The following SYTL4 variants were observed in gnomAD, a reference collection of about 807,000 sequenced individuals.
The protein encoded by SYTL4 is synaptotagmin like 4.
A neutral mutation model predicts 52.7 loss-of-function variants in SYTL4; 16 were observed. The ratio of observed to expected loss-of-function variants is 0.30; its 90% CI spans 0.21 to 0.46. SYTL4 has a LOEUF of 0.46. SYTL4 is among the 20% of genes least tolerant of loss of function. The pLI is 1.00. For missense variants in SYTL4, 423 were observed against 519.9 expected, an observed-to-expected ratio of 0.81 and a Z score of 1.81; for synonymous variants, 160 against 186.6, an observed-to-expected ratio of 0.86 and a Z score of 1.16.
chrX:100,694,595 C>T (rs1463265965), intron 8 of SYTL4, among the ~76,000 whole-genome samples: 1 of 111,653 alleles, frequency 9.0e-6, no homozygotes, highest in Non-Finnish European at 1.9e-5. Flanking sequence ...ATTTTCTCCA[C>T]AGCACCTGTC....
chrX:100,699,773 C>A (rs777824436), intron 8 of SYTL4, among the ~76,000 whole-genome samples: 5 of 107,457 alleles, frequency 4.7e-5, no homozygotes, highest in South Asian at 4.3e-4. Context: ...GGATTACAGG[C>A]GTGAGCCACT....
At chrX:100,685,661 T>A in intron 16 of SYTL4, 1 of 166,075 alleles carries the variant, frequency 6.0e-6, no homozygotes, top group South Asian at 2.4e-4. Context: ...CAGATTAGGA[T>A]ATACACAGAA....
chrX:100,702,757 AG>A (rs1351874861), intron 4 of SYTL4, among the ~76,000 whole-genome samples: 1 of 112,609 alleles, frequency 8.9e-6, no homozygotes, highest in Non-Finnish European at 1.9e-5. Flanking sequence ...AGTAAGGCAC[AG>A]TTCCTACCCT....
rs191077141 is a variant in SYTL4 at position 100,723,258 on chromosome X, C to T, written c.-240+8160G>A. 2.9e-4 allele frequency among the ~76,000 whole-genome samples: 32 copies of T among 111,418 alleles called. No individual in the cohort carries two copies. The East Asian group carries it at 4.6e-3, about 16-fold the overall frequency. ...CCTCAGCCTGCCGAGTGCCTGCGAT[C>T]GCAGGCGCGCGCCGCCACGCCTGAC... On this transcript the variant is annotated intron_variant, in intron 2 of 19. Coordinates refer to ENST00000372989, the MANE Select transcript of SYTL4 (RefSeq NM_001370165.1).
At chrX:100,696,389 T>A (rs1195484345) in intron 8 of SYTL4, among the ~76,000 whole-genome samples, 1 of 112,238 alleles carries the variant, frequency 8.9e-6, no homozygotes, top group Non-Finnish European at 1.9e-5. Context: ...TTGTTTTACA[T>A]CCTCACCAAC....
chrX:100,707,434 T>C (rs1371900841), intron 2 of SYTL4, among the ~76,000 whole-genome samples: 1 of 111,594 alleles, frequency 9.0e-6, no homozygotes, highest in Admixed American at 9.5e-5. Context: ...ACCTGCCTCC[T>C]ACCTCACTAC....
chrX:100,713,629 A>AT (rs2084124958), intron 2 of SYTL4, among the ~76,000 whole-genome samples: 1 of 109,416 alleles, frequency 9.1e-6, no homozygotes, highest in Non-Finnish European at 1.9e-5. Context: ...AGGGGGAAAA[A>AT]AAAAAGCATA....
chrX:100,717,443 C>T (rs1445196695), intron 2 of SYTL4, among the ~76,000 whole-genome samples: 1 of 112,717 alleles, frequency 8.9e-6, no homozygotes, highest in Non-Finnish European at 1.9e-5. Flanking sequence ...AGGCAAAGTG[C>T]GTAGCACTTA....
At chrX:100,698,767 T>C (rs1020125960) in intron 8 of SYTL4, among the ~76,000 whole-genome samples, 1 of 111,623 alleles carries the variant, frequency 9.0e-6, no homozygotes. Context: ...AAATCAGAAA[T>C]AGAGAAGTTG....
intron 8 of SYTL4, among the ~76,000 whole-genome samples, chrX:100,691,833 C>A (rs763368913): frequency 9.0e-6 from 1 of 111,443 alleles, no homozygotes; most frequent in South Asian, 3.8e-4. Flanking sequence ...CCACCACACC[C>A]GGCCCTCAGT....
At chrX:100,712,310 A>G (rs768807277) in intron 2 of SYTL4, among the ~76,000 whole-genome samples, 14 of 112,405 alleles carry the variant, frequency 1.2e-4, no homozygotes, top group Admixed American at 4.7e-4. Context: ...ATAACGATAT[A>G]TTGTGAGGTT....
chrX:100,681,083 T>A, intron 17 of SYTL4, 144 bp downstream of exon 17: 1 of 484,088 alleles, frequency 2.1e-6, no homozygotes, highest in East Asian at 3.8e-5. Context: ...CAGAGAGGCT[T>A]CCTTAGTAAA....
intron 19 of SYTL4, 111 bp from the exon 20 acceptor site, chrX:100,676,287 G>A: frequency 1.2e-6 from 1 of 817,922 alleles, no homozygotes; most frequent in South Asian, 2.5e-5. Flanking sequence ...TACGAAGATG[G>A]GCTAATGGCC....
intron 2 of SYTL4, among the ~76,000 whole-genome samples, chrX:100,708,199 C>G (rs2083998762): frequency 9.2e-6 from 1 of 109,148 alleles, no homozygotes; most frequent in African/African-American, 3.4e-5. Context: ...ATTCTGGTAT[C>G]CCAGAACTTA....
intron 7 of SYTL4, 66 bp from the exon 8 acceptor site, chrX:100,701,065 A>G (rs745903060): frequency 2.1e-6 from 2 of 963,741 alleles, no homozygotes; most frequent in Admixed American, 2.2e-5. Flanking sequence ...AACAACCCTC[A>G]TAGCAAATCC....
intron 12 of SYTL4, 27 bp downstream of exon 12, chrX:100,689,829 G>C: frequency 1.9e-6 from 2 of 1,056,888 alleles, no homozygotes; most frequent in Non-Finnish European, 2.6e-6. Context: ...TTCATATAGT[G>C]ACCAAGTAAA....
chrX:100,690,488 C>G, intron 10 of SYTL4, 75 bp downstream of exon 10: 1 of 792,802 alleles, frequency 1.3e-6, no homozygotes, highest in Non-Finnish European at 1.8e-6. Context: ...GAGGGAAAGA[C>G]GGAGGGAGAC....
chrX:100,730,534 A>G, intron 2 of SYTL4, among the ~76,000 whole-genome samples: 1 of 111,310 alleles, frequency 9.0e-6, no homozygotes, highest in Non-Finnish European at 1.9e-5. Context: ...TACTGTATAG[A>G]GTTATTGTGA....
rs190102282 is a variant in SYTL4, at chrX:100,686,075, T to C, written c.1364A>G (p.Asn455Ser). ...SVWHHGRFGR[N>S]TFLGEAEIQM... ...GATCTCTGCCTCTCCAAGGAAAGTGTTTCTGCCAAAACGACCATGATGCCA... is the reference window on the plus strand; with the variant it reads ...GATCTCTGCCTCTCCAAGGAAAGTGCTTCTGCCAAAACGACCATGATGCCA... Residue 455 changes from asparagine (N) to serine (S), a missense_variant, in exon 16 of 20, where the codon AAC (asparagine) becomes AGC (serine). Physicochemically the swap from Asn to Ser is conservative, Grantham distance 46. Coordinates refer to ENST00000372989, the MANE Select transcript of SYTL4 (RefSeq NM_001370165.1). 7.4e-6 allele frequency: 9 copies of C among 1,208,274 alleles called. No homozygotes were observed. The Admixed American group carries it at 2.0e-4, about 26-fold the overall frequency.
Sources: gnomAD v4.1 joint callset for allele counts (sites outside exome capture counted in the v4.1 genomes callset) on GRCh38, gnomAD v4.1.1 for gene constraint, MANE v1.5 for transcripts, NCBI Gene and HGNC (gene_info 2026-07-23, HGNC 2026-07-21) for gene names.